Variants in NEK11 observed in about 807,000 individuals in gnomAD.
The protein encoded by NEK11 is NIMA related kinase 11.
In NEK11, 72 loss-of-function variants were observed where a neutral mutation model predicts 80.7. That is an observed-to-expected ratio of 0.89 (90% CI 0.74 to 1.08). The LOEUF is 1.08. NEK11 is among the 50% of genes least tolerant of loss of function. The pLI, the probability that NEK11 is intolerant of heterozygous loss-of-function variation, is 0.00. For synonymous variants in NEK11, 251 were observed against 260.7 expected (o/e 0.96, Z 0.36); for missense variants, 764 against 763.6 (o/e 1.00, Z -0.01).
intron 3 of NEK11, among the ~76,000 whole-genome samples, chr3:131,060,194 A>G (rs1577617151): frequency 6.6e-6 from 1 of 152,222 alleles, no homozygotes; most frequent in South Asian, 2.1e-4. Flanking sequence ...TTCAGTAGCA[A>G]TCAGAATAAT....
chr3:131,157,759 G>A lies in NEK11; in HGVS notation c.962+2638G>A, dbSNP rs188108035. On this transcript the variant is annotated intron_variant, in intron 10 of 17. Coordinates refer to ENST00000383366, the MANE Select transcript of NEK11 (RefSeq NM_024800.5). ...TGGGGCCACTGTACACCTGTGCACCGGGACCTCCAGTGACGCTGGGGGAAT... is the reference window on the plus strand; with the variant it reads ...TGGGGCCACTGTACACCTGTGCACCAGGACCTCCAGTGACGCTGGGGGAAT... Among the ~76,000 whole-genome samples the A allele has an allele frequency of 3.2e-3, 490 of 152,268 alleles. 8 individuals carry two copies. The highest frequency in any genetic ancestry group is 0.013 in the Admixed American group (205 of 15,298).
At chr3:131,199,285 G>A (rs2094142817) in intron 14 of NEK11, among the ~76,000 whole-genome samples, 2 of 151,950 alleles carry the variant, frequency 1.3e-5, no homozygotes, top group African/African-American at 4.8e-5. Context: ...AGAAAAATGA[G>A]CAGAGGAAAT....
chr3:131,223,517 T>C (rs981242793), intron 14 of NEK11, among the ~76,000 whole-genome samples: 3 of 152,218 alleles, frequency 2.0e-5, no homozygotes, highest in African/African-American at 7.2e-5. Context: ...AAGGTTTGTC[T>C]GTGTTGTAGA....
At chr3:131,323,091 T>A (rs2096913205) in intron 17 of NEK11, among the ~76,000 whole-genome samples, 1 of 152,200 alleles carries the variant, frequency 6.6e-6, no homozygotes, top group African/African-American at 2.4e-5. Flanking sequence ...CTTGGCAGAA[T>A]AAGGGCCTCT....
At chr3:131,228,303 G>A (rs116673522) in intron 14 of NEK11, among the ~76,000 whole-genome samples, 59 of 152,030 alleles carry the variant, frequency 3.9e-4, no homozygotes, top group African/African-American at 1.4e-3. Flanking sequence ...ACCTTCAAAC[G>A]GTAGTTGCTA....
intron 12 of NEK11, among the ~76,000 whole-genome samples, chr3:131,166,040 C>G (rs1358091152): frequency 6.6e-6 from 1 of 152,052 alleles, no homozygotes; most frequent in Admixed American, 6.5e-5. Flanking sequence ...AATTCATGTC[C>G]TCGGCATTCC....
chr3:131,041,136 C>T (rs897313198), intron 3 of NEK11, among the ~76,000 whole-genome samples: 7 of 152,164 alleles, frequency 4.6e-5, no homozygotes, highest in African/African-American at 9.6e-5. Context: ...ATTTGGTGAT[C>T]AGCTGCTTTT....
At chr3:131,097,096 G>A (rs887747935) in intron 4 of NEK11, among the ~76,000 whole-genome samples, 5 of 151,496 alleles carry the variant, frequency 3.3e-5, no homozygotes, top group Non-Finnish European at 7.4e-5. Context: ...AGTATTCCAT[G>A]GTGTATATGT....
chr3:131,253,689 C>T (rs1404861373), intron 16 of NEK11, among the ~76,000 whole-genome samples: 1 of 152,136 alleles, frequency 6.6e-6, no homozygotes, highest in African/African-American at 2.4e-5. Flanking sequence ...GATGAGTACA[C>T]CATACACTGT....
At chr3:131,279,069 G>T (rs567611852) in intron 17 of NEK11, among the ~76,000 whole-genome samples, 11 of 151,732 alleles carry the variant, frequency 7.2e-5, no homozygotes, top group Non-Finnish European at 1.5e-4. Flanking sequence ...TAATATTTTT[G>T]ACTTTTAAAA....
At chr3:131,202,624 A>G (rs1327449161) in intron 14 of NEK11, among the ~76,000 whole-genome samples, 1 of 152,186 alleles carries the variant, frequency 6.6e-6, no homozygotes, top group Non-Finnish European at 1.5e-5. Context: ...AGAAACTACC[A>G]TCAGAGTGAA....
chr3:131,278,200 A>G (rs2096333172), intron 17 of NEK11, among the ~76,000 whole-genome samples: 1 of 152,342 alleles, frequency 6.6e-6, no homozygotes, highest in East Asian at 1.9e-4. Flanking sequence ...GGCCACAGCC[A>G]CTTCTCACTC....
At chr3:131,333,746 A>T (rs2097134614) in intron 17 of NEK11, among the ~76,000 whole-genome samples, 1 of 152,262 alleles carries the variant, frequency 6.6e-6, no homozygotes. Flanking sequence ...AGACACACAT[A>T]GGCTCAAAAT....
chr3:131,279,713 C>T (rs1170671227), intron 17 of NEK11, among the ~76,000 whole-genome samples: 1 of 152,062 alleles, frequency 6.6e-6, no homozygotes, highest in Admixed American at 6.5e-5. Context: ...ATCATAGACC[C>T]CCATTGTAAC....
At chr3:131,337,598 T>C (rs1303926491) in intron 17 of NEK11, among the ~76,000 whole-genome samples, 1 of 151,472 alleles carries the variant, frequency 6.6e-6, no homozygotes, top group African/African-American at 2.4e-5. Flanking sequence ...ACATGTACCC[T>C]AAAACTTAAA....
intron 4 of NEK11, among the ~76,000 whole-genome samples, chr3:131,082,197 A>G (rs2075370117): frequency 1.3e-5 from 2 of 151,992 alleles, no homozygotes; most frequent in Non-Finnish European, 2.9e-5. Flanking sequence ...TTGAATATTT[A>G]CTCTGGCAAA....
At chr3:131,030,046 C>G (rs1400076278) in intron 3 of NEK11, among the ~76,000 whole-genome samples, 168 bp downstream of exon 3, 1 of 152,104 alleles carries the variant, frequency 6.6e-6, no homozygotes. Flanking sequence ...TCAAGACCAG[C>G]CTGGCCAACA....
At chr3:131,294,982 C>A (rs1340784509) in intron 17 of NEK11, among the ~76,000 whole-genome samples, 1 of 152,028 alleles carries the variant, frequency 6.6e-6, no homozygotes, top group Non-Finnish European at 1.5e-5. Flanking sequence ...AAGTGAGTTT[C>A]TCGTAATTAA....
intron 3 of NEK11, among the ~76,000 whole-genome samples, chr3:131,037,023 T>C (rs2065751916): frequency 6.6e-6 from 1 of 152,234 alleles, no homozygotes; most frequent in Non-Finnish European, 1.5e-5. Flanking sequence ...ATGGCTTTCT[T>C]GTCATTTAAC....
Sources: allele counts gnomAD v4.1 joint callset (sites outside exome capture counted in the v4.1 genomes callset), GRCh38; gene constraint gnomAD v4.1.1; transcripts MANE v1.5; gene names NCBI Gene and HGNC (gene_info 2026-07-23, HGNC 2026-07-21).